RGL1: variants seen among roughly 807,000 people sequenced by gnomAD.
RGL1 encodes the protein ral guanine nucleotide dissociation stimulator like 1.
Under a neutral mutation model 95.2 loss-of-function variants are expected in RGL1, and 24 were observed. The observed-to-expected ratio is 0.25, with a 90% confidence interval of 0.18 to 0.35. The LOEUF (loss-of-function observed/expected upper bound fraction) is 0.35. RGL1 is among the 10% of genes least tolerant of loss of function. The probability of loss-of-function intolerance (pLI) is 1.00; values close to 1 mark genes in which losing one functional copy is unlikely to be tolerated. For missense variants in RGL1, 715 were observed against 936.3 expected (o/e 0.76, Z 3.08); for synonymous variants, 329 against 344.9 (o/e 0.95, Z 0.51).
Position 183,880,654 on chromosome 1 carries a change from G to A in RGL1, c.464G>A (p.Cys155Tyr), listed in dbSNP as rs781480868. The change falls in exon 5 of 18, where the codon TGT becomes TAT. Residue 155 changes from cysteine to tyrosine, a missense_variant. Physicochemically the swap from Cys to Tyr is radical, Grantham distance 194. Around this residue, in one of 3 missense-constraint regions of RGL1, gnomAD observed 381 missense variants for 484.8 expected, o/e 0.79. Coordinates refer to ENST00000360851, the MANE Select transcript of RGL1 (RefSeq NM_001297671.3). ...ASILRAWLDQ[C>Y]AEDFREPPHF... is the part of the protein sequence containing the mutation. ...ATACTAAGGGCCTGGCTTGACCAGT[G>A]TGCAGAAGACTTCCGAGAGCCCCCT... 6 of 1,613,768 alleles carry A rather than the reference G, an allele frequency of 3.7e-6. No individual in the cohort carries two copies. The highest frequency in any genetic ancestry group is 1.7e-5 in the Admixed American group (1 of 59,992).
At chr1:183,754,723 G>A (rs896860684) in intron 2 of RGL1, 1 of 152,238 alleles carries the variant, frequency 6.6e-6, no homozygotes, top group African/African-American at 2.4e-5. Flanking sequence ...GTGTGATGGG[G>A]AGATGTAATC....
intron 5 of RGL1, among the ~76,000 whole-genome samples, chr1:183,882,573 C>T (rs1326600218): frequency 6.6e-6 from 1 of 152,152 alleles, no homozygotes; most frequent in East Asian, 1.9e-4. Context: ...CTGTTTGTGT[C>T]GCAGACTCCG....
chr1:183,807,537 G>C (rs1323259472), intron 2 of RGL1, among the ~76,000 whole-genome samples: 2 of 152,214 alleles, frequency 1.3e-5, no homozygotes, highest in Non-Finnish European at 2.9e-5. Context: ...TAAGAGTAGT[G>C]GTAACGTGTG....
At chr1:183,717,591 T>G (rs1655703480) in intron 1 of RGL1, among the ~76,000 whole-genome samples, 1 of 152,188 alleles carries the variant, frequency 6.6e-6, no homozygotes, top group Admixed American at 6.5e-5. Flanking sequence ...TACTTTTAAA[T>G]TTAAAACTAT....
At chr1:183,703,342 T>C (rs545518946) in intron 1 of RGL1, among the ~76,000 whole-genome samples, 1 of 152,296 alleles carries the variant, frequency 6.6e-6, no homozygotes, top group East Asian at 1.9e-4. Context: ...AGGAGCATCG[T>C]CTGGATTGTC....
intron 3 of RGL1, among the ~76,000 whole-genome samples, chr1:183,865,478 T>C (rs1275342121): frequency 1.3e-5 from 2 of 152,182 alleles, no homozygotes; most frequent in Non-Finnish European, 2.9e-5. Context: ...CAGAGCTATT[T>C]CCATAATCCC....
upstream of RGL1, among the ~76,000 whole-genome samples, chr1:183,801,149 GT>G (rs1660967038): frequency 1.3e-5 from 2 of 150,852 alleles, no homozygotes; most frequent in Non-Finnish European, 3.0e-5. Flanking sequence ...TATTTTGTGT[GT>G]GTGTGTGTGT....
chr1:183,785,917 T>G lies in RGL1; in HGVS notation c.133-20458T>G, dbSNP rs1273689311. Among the ~76,000 whole-genome samples the G allele has an allele frequency of 2.6e-5, 4 of 151,584 alleles. No homozygotes were observed. The East Asian group carries it at 7.7e-4, about 29-fold the overall frequency. The stretch of plus-strand genomic sequence containing the variant: ...CTGGGCAACAGAGTGTGACCCCATC[T>G]CTACAGAAAACTTAGCTGGGGATGG... On this transcript the variant is annotated intron_variant, in intron 2 of 18. Coordinates refer to the RGL1 transcript ENST00000304685.
intron 4 of RGL1, among the ~76,000 whole-genome samples, chr1:183,866,706 A>T (rs1665860804): frequency 6.6e-6 from 1 of 152,168 alleles, no homozygotes; most frequent in Admixed American, 6.5e-5. Context: ...GGAAGATAAG[A>T]AGCGCTTAGA....
Position 183,836,246 on chromosome 1 carries a change from A to ATCTTT in RGL1, c.139-11308_139-11304dup, listed in dbSNP as rs1663641474. ...TTAAGAAAAAAAGCCAGTTTAGTGTATCTTTTCTTTTCTTTTTTTTTTAGA... is the reference window on the plus strand; with the variant it reads ...TTAAGAAAAAAAGCCAGTTTAGTGTATCTTTTCTTTTCTTTTCTTTTTTTTTTAGA... On this transcript the variant is annotated intron_variant, in intron 2 of 17. Transcript: ENST00000360851. 4.0e-5 allele frequency among the ~76,000 whole-genome samples: 6 copies of ATCTTT among 151,884 alleles called. No individual in the cohort carries two copies. In the South Asian group the frequency reaches 1.2e-3, roughly 32 times the overall value.
At chr1:183,855,991 A>C (rs1331108561) in intron 3 of RGL1, among the ~76,000 whole-genome samples, 1 of 152,080 alleles carries the variant, frequency 6.6e-6, no homozygotes, top group Non-Finnish European at 1.5e-5. Context: ...TGCCTCCCCC[A>C]ACCCACCCAT....
chr1:183,653,815 C>T (rs962312259), intron 1 of RGL1, among the ~76,000 whole-genome samples: 1 of 152,172 alleles, frequency 6.6e-6, no homozygotes, highest in Non-Finnish European at 1.5e-5. Context: ...GTTCCAGGAT[C>T]GGTTGTAGCC....
At chr1:183,749,706 T>C (rs1293558264) in intron 2 of RGL1, among the ~76,000 whole-genome samples, 2 of 152,222 alleles carry the variant, frequency 1.3e-5, no homozygotes. Context: ...TACAGGTTTT[T>C]CCTTTCCATA....
intron 17 of RGL1, among the ~76,000 whole-genome samples, chr1:183,925,520 A>C (rs1056052155): frequency 1.3e-5 from 2 of 150,786 alleles, no homozygotes; most frequent in African/African-American, 4.9e-5. Context: ...CGTTCAGCAC[A>C]TGTATCCCAA....
In RGL1 at chr1:183,772,853, C is replaced by T. The variant is rs1659356943; in HGVS notation, c.132+30564C>T. Among the ~76,000 whole-genome samples the T allele has an allele frequency of 2.7e-5, 4 of 150,228 alleles. No homozygotes were observed. The South Asian group carries it at 8.6e-4, about 32-fold the overall frequency. On this transcript the variant is annotated intron_variant, in intron 2 of 18. Transcript: ENST00000304685. ...TGAAACCCCGTCTCTACTAAAAATA[C>T]AAAAAATTAGCCGGGCGCGGTGGCG...
At chr1:183,880,891 G>T in intron 5 of RGL1, 91 bp downstream of exon 5, 1 of 1,223,756 alleles carries the variant, frequency 8.2e-7, no homozygotes, top group South Asian at 1.5e-5. Flanking sequence ...TGGCTAATAG[G>T]AAACCTTGGT....
At chr1:183,800,509 C>T (rs1660932882), upstream of RGL1, among the ~76,000 whole-genome samples, 1 of 152,126 alleles carries the variant, frequency 6.6e-6, no homozygotes, top group Non-Finnish European at 1.5e-5. Flanking sequence ...ATTCCTAGAA[C>T]ATACTAATGC....
intron 1 of RGL1, among the ~76,000 whole-genome samples, chr1:183,725,814 A>G (rs1656280814): frequency 6.6e-6 from 1 of 152,232 alleles, no homozygotes; most frequent in Non-Finnish European, 1.5e-5. Flanking sequence ...AACTTGAACT[A>G]ATTGACATTT....
At chr1:183,905,116 G>T (rs1163659038) in intron 13 of RGL1, 145 bp downstream of exon 13, 2 of 976,038 alleles carry the variant, frequency 2.0e-6, no homozygotes, top group Non-Finnish European at 2.9e-6. Flanking sequence ...AAGGCGCATG[G>T]TGTGGCAGGA....
Sources: gnomAD v4.1 joint callset for allele counts (sites outside exome capture counted in the v4.1 genomes callset) on GRCh38, gnomAD v4.1.1 for gene constraint, gnomAD v4.1.1 regional missense constraint, MANE v1.5 for transcripts, NCBI Gene and HGNC (gene_info 2026-07-23, HGNC 2026-07-21) for gene names.